The following CNTNAP2 variants were observed in gnomAD, a reference collection of about 807,000 sequenced individuals.
CNTNAP2 encodes the protein contactin associated protein 2.
In CNTNAP2, 98 loss-of-function variants were observed where a neutral mutation model predicts 155.2. The ratio of observed to expected loss-of-function variants is 0.63; its 90% CI spans 0.54 to 0.75. CNTNAP2 has a LOEUF of 0.75. Ranked by LOEUF, CNTNAP2 falls within the 30% of genes least tolerant of loss-of-function variation. CNTNAP2 has a pLI of 0.00. For missense variants in CNTNAP2, 1,727 were observed against 1,688.1 expected (o/e 1.02, Z -0.40); for synonymous variants, 651 against 631.2 (o/e 1.03, Z -0.47).
chr7:146,787,034 G>C (rs1404480646), intron 2 of CNTNAP2: 3 of 152,172 alleles, frequency 2.0e-5, no homozygotes, highest in Non-Finnish European at 4.4e-5. Context: ...AATTAAGCGT[G>C]TTCTATAATT....
intron 1 of CNTNAP2, among the ~76,000 whole-genome samples, chr7:146,616,421 C>T (rs898357684): frequency 2.6e-5 from 4 of 152,072 alleles, no homozygotes; most frequent in African/African-American, 9.7e-5. Context: ...GTGAAATTTG[C>T]AGTGAGGATG....
intron 12 of CNTNAP2, among the ~76,000 whole-genome samples, chr7:147,586,659 C>T (rs1322131179): frequency 1.3e-5 from 2 of 151,978 alleles, no homozygotes. Flanking sequence ...CCCTTCACAG[C>T]TAACCTGTGC....
At chr7:147,489,530 G>A (rs1318550724) in intron 11 of CNTNAP2, among the ~76,000 whole-genome samples, 1 of 152,144 alleles carries the variant, frequency 6.6e-6, no homozygotes, top group Admixed American at 6.5e-5. Flanking sequence ...ACCAAACCAT[G>A]ACAAAGGGAC....
At chr7:147,063,271 T>G (rs1799717696) in intron 4 of CNTNAP2, among the ~76,000 whole-genome samples, 1 of 152,194 alleles carries the variant, frequency 6.6e-6, no homozygotes, top group Non-Finnish European at 1.5e-5. Context: ...AGTGTGAGCA[T>G]TTTGCCTTGC....
intron 1 of CNTNAP2, among the ~76,000 whole-genome samples, chr7:146,670,209 A>G (rs1414416618): frequency 1.3e-5 from 2 of 152,168 alleles, no homozygotes; most frequent in Non-Finnish European, 2.9e-5. Flanking sequence ...AGTTTTCCCC[A>G]GGCAACATCT....
chr7:148,225,119 T>C (rs1795822791), intron 19 of CNTNAP2, among the ~76,000 whole-genome samples: 1 of 152,200 alleles, frequency 6.6e-6, no homozygotes, highest in South Asian at 2.1e-4. Context: ...TTGGGAATAG[T>C]CATAAAGAAT....
chr7:148,400,890 G>A (rs1799567910), intron 22 of CNTNAP2, among the ~76,000 whole-genome samples: 1 of 151,720 alleles, frequency 6.6e-6, no homozygotes, highest in Non-Finnish European at 1.5e-5. Context: ...TGAGGCAGGA[G>A]AATCACTTGA....
intron 1 of CNTNAP2, among the ~76,000 whole-genome samples, chr7:146,402,618 A>G (rs150498908): frequency 3.3e-5 from 5 of 152,302 alleles, no homozygotes; most frequent in African/African-American, 4.8e-5. Context: ...CTTTAAGTAC[A>G]GTATACTGTG....
At chr7:146,788,658 C>T (rs950752344) in intron 2 of CNTNAP2, among the ~76,000 whole-genome samples, 8 of 152,148 alleles carry the variant, frequency 5.3e-5, no homozygotes, top group African/African-American at 1.9e-4. Context: ...AAGCACTTCT[C>T]ATTGGTCTTC....
chr7:146,674,500 GAA>G (rs67446751), intron 1 of CNTNAP2, among the ~76,000 whole-genome samples: 1 of 148,932 alleles, frequency 6.7e-6, no homozygotes, highest in South Asian at 2.1e-4. Context: ...TCTGGTGGAG[GAA>G]AAAAAAAATT....
intron 2 of CNTNAP2, among the ~76,000 whole-genome samples, chr7:146,810,299 C>CTT (rs58947235): frequency 2.1e-5 from 2 of 93,538 alleles, no homozygotes; most frequent in Non-Finnish European, 2.7e-5. Context: ...CTCTAGCTTT[C>CTT]TTTTTTTTTT....
In CNTNAP2 at chr7:146,686,287, C is replaced by G. The variant is rs28386785; in HGVS notation, c.98-87984C>G. On this transcript the variant is annotated intron_variant, in intron 1 of 23. Transcript: ENST00000361727. Reference sequence around the variant, plus strand: ...TCCAGCCTGAGTGACAGAGTGAGACCCTGTCTCAAGGGAAAAAAAAAATCA... The same window carrying G: ...TCCAGCCTGAGTGACAGAGTGAGACGCTGTCTCAAGGGAAAAAAAAAATCA... 6.3e-3 allele frequency among the ~76,000 whole-genome samples: 956 copies of G among 151,052 alleles called. 8 individuals carry two copies. Among genetic ancestry groups the G allele is most frequent in the African/African-American group, 0.022 (914 of 40,634 alleles).
intron 3 of CNTNAP2, among the ~76,000 whole-genome samples, chr7:146,892,891 C>A (rs1193529448): frequency 6.6e-6 from 1 of 152,162 alleles, no homozygotes; most frequent in African/African-American, 2.4e-5. Flanking sequence ...GTATAAACTT[C>A]TGATCGTAAT....
At position 146,947,527 on chromosome 7, in the gene CNTNAP2, ATG is replaced by A. The variant is rs1211183431; in HGVS notation, c.403-96366_403-96365del. Among the ~76,000 whole-genome samples, 475 of 124,690 alleles carry A rather than the reference ATG, an allele frequency of 3.8e-3. 9 individuals are homozygous for A. The highest frequency in any genetic ancestry group is 0.013 in the African/African-American group (412 of 32,444). The allele number at this position is 124,690 out of a possible 152,430, so 81.8% of individuals were successfully genotyped here. On this transcript the variant is annotated intron_variant, in intron 3 of 23. Transcript: ENST00000361727. ...TTCTAGATATATATAGTGTGTATGT[ATG>A]TGTGTGTGTGTGTATGTGTGTGTGT...
intron 1 of CNTNAP2, among the ~76,000 whole-genome samples, chr7:146,653,700 G>A (rs1799952001): frequency 6.6e-6 from 1 of 152,068 alleles, no homozygotes; most frequent in Non-Finnish European, 1.5e-5. Context: ...ATCATGACTT[G>A]GGAAAATCAT....
chr7:147,489,483 T>A (rs1012908775), intron 11 of CNTNAP2, among the ~76,000 whole-genome samples: 1 of 152,238 alleles, frequency 6.6e-6, no homozygotes, highest in Non-Finnish European at 1.5e-5. Context: ...CCACTCTCCA[T>A]AAATCCTTTA....
intron 3 of CNTNAP2, among the ~76,000 whole-genome samples, chr7:146,951,821 T>C (rs1797319384): frequency 6.6e-6 from 1 of 152,164 alleles, no homozygotes; most frequent in East Asian, 1.9e-4. Context: ...TTTTTCTAAT[T>C]CTGTGAAGAA....
Position 146,337,041 on chromosome 7 carries a change from A to T in CNTNAP2, c.97+220068A>T, listed in dbSNP as rs188316497. Among the ~76,000 whole-genome samples the T allele has an allele frequency of 5.1e-4, 78 of 152,310 alleles. No homozygotes were observed. The South Asian group carries it at 0.01, about 20-fold the overall frequency. ...ATTAACTGATATAAACTATATACAT[A>T]TATTGTATCAATGTCAATTTCCTGG... On this transcript the variant is annotated intron_variant, in intron 1 of 23. Coordinates refer to ENST00000361727, the MANE Select transcript of CNTNAP2 (RefSeq NM_014141.6).
intron 9 of CNTNAP2, among the ~76,000 whole-genome samples, chr7:147,351,999 A>G (rs966795008): frequency 3.3e-5 from 5 of 151,928 alleles, no homozygotes; most frequent in Non-Finnish European, 5.9e-5. Flanking sequence ...CAATTCTTCA[A>G]TGATCAATGG....
Sources: allele counts gnomAD v4.1 joint callset (sites outside exome capture counted in the v4.1 genomes callset), GRCh38; gene constraint gnomAD v4.1.1; transcripts MANE v1.5; gene names NCBI Gene and HGNC (gene_info 2026-07-23, HGNC 2026-07-21).